TCTN2: variants seen among roughly 807,000 people sequenced by gnomAD.
TCTN2 encodes tectonic family member 2.
In TCTN2, 66 loss-of-function variants were observed where a neutral mutation model predicts 83.4. The ratio of observed to expected loss-of-function variants is 0.79; its 90% CI spans 0.65 to 0.97. The LOEUF (loss-of-function observed/expected upper bound fraction) is 0.97, where lower values mean the gene tolerates loss of function less well. TCTN2 is among the 50% of genes least tolerant of loss of function. The probability of loss-of-function intolerance (pLI) is 0.00; values close to 1 mark genes in which losing one functional copy is unlikely to be tolerated. For synonymous variants in TCTN2, 301 were observed against 326.7 expected, an observed-to-expected ratio of 0.92 and a Z score of 0.85; for missense variants, 794 against 858.1, an observed-to-expected ratio of 0.93 and a Z score of 0.93.
chr12:123,676,549 CAG>C (rs1955823946), intron 4 of TCTN2, among the ~76,000 whole-genome samples: 1 of 108,826 alleles, frequency 9.2e-6, no homozygotes, highest in Admixed American at 1.4e-4. Context: ...GCCTGGGTGA[CAG>C]AGCGAGACTC....
In TCTN2 at chr12:123,696,452, C is replaced by T. The variant is rs1956110300; in HGVS notation, c.1350C>T (p.Ile450=). ...QLGKPVRALN[I]NRMNNVTTLH... ...GCAAGCCTGTCCGAGCTCTAAATAT[C>T]AACAGGATGAATAATGTCACGACTT... The change falls in exon 12 of 18, where the codon ATC becomes ATT. Residue 450 remains isoleucine (I), a synonymous_variant. Coordinates refer to ENST00000303372, the MANE Select transcript of TCTN2 (RefSeq NM_024809.5). 1 of 1,614,010 alleles carries T rather than the reference C, an allele frequency of 6.2e-7. No individual in the cohort carries two copies. Among genetic ancestry groups the T allele is most frequent in the South Asian group, 1.1e-5 (1 of 91,086 alleles).
At chr12:123,705,849 C>T (rs922701640) in intron 15 of TCTN2, among the ~76,000 whole-genome samples, 1 of 151,598 alleles carries the variant, frequency 6.6e-6, no homozygotes, top group Non-Finnish European at 1.5e-5. Flanking sequence ...CTCCACCAAC[C>T]GGGTTCAAGC....
intron 5 of TCTN2, among the ~76,000 whole-genome samples, chr12:123,679,735 A>AG (rs1166888020): frequency 1.5e-4 from 18 of 117,978 alleles, no homozygotes; most frequent in Non-Finnish European, 2.7e-4. Context: ...TTTCAAATTG[A>AG]GTTTTTTTTT....
At position 123,673,578 on chromosome 12, in the gene TCTN2, G is replaced by A. The variant is rs367962173; in HGVS notation, c.268-37G>A. ...TATGTATTCTTATAGACCCTGTTTT[G>A]AGTCACTTTAAAAATACAGCAATGT... On this transcript the variant is annotated intron_variant, in intron 3 of 17. Transcript: ENST00000303372. The A allele has an allele frequency of 1.9e-6, 3 of 1,600,384 alleles. No individual in the cohort carries two copies. The African/African-American group carries it at 4.0e-5, about 21-fold the overall frequency.
intron 12 of TCTN2, chr12:123,696,833 T>C (rs1956114826): frequency 3.7e-6 from 2 of 540,502 alleles, no homozygotes; most frequent in Non-Finnish European, 6.6e-6. Context: ...GCAGGAAATC[T>C]GTGCTTCAGT....
At chr12:123,685,454 T>C (rs372513827) in intron 5 of TCTN2, among the ~76,000 whole-genome samples, 3 of 152,190 alleles carry the variant, frequency 2.0e-5, no homozygotes, top group Non-Finnish European at 2.9e-5. Context: ...AGTCTTGTTC[T>C]GTCACCCAGG....
Position 123,708,006 on chromosome 12 carries a change from CCTTTTTT to C in TCTN2, c.*294_*300del. 1 of 294,588 alleles carries C rather than the reference CCTTTTTT, an allele frequency of 3.4e-6. No homozygotes were observed. Among genetic ancestry groups the C allele is most frequent in the South Asian group, 3.9e-5 (1 of 25,750 alleles). 18.2% of individuals were successfully genotyped at this position (294,588 alleles called of 1,614,324 possible). On this transcript the variant is annotated 3_prime_UTR_variant, in exon 18 of 18. Transcript: ENST00000303372. ...TACAGGCATGAGCCACCGCACCCGG[CCTTTTTT>C]TTTTTTTTTTTTTTTTTGAGGCGGG...
At chr12:123,704,445 T>C in intron 14 of TCTN2, 87 bp from the exon 15 acceptor site, 1 of 1,383,390 alleles carries the variant, frequency 7.2e-7, no homozygotes, top group Non-Finnish European at 1.0e-6. Flanking sequence ...GCCTGCCTGA[T>C]ATTATTCCCC....
In TCTN2 at chr12:123,704,560, C is replaced by T. The variant is rs555666775; in HGVS notation, c.1641C>T (p.Asp547=). ...TAGATGCCCCTGATCCAGGTGCAGA[C>T]CCGCTGGCTAGCAGTGTGAACGGCA... ...IRVDAPDPGA[D]PLASSVNGMC... The change falls in exon 15 of 18, where the codon GAC becomes GAT. Residue 547 remains aspartate (D), a synonymous_variant. Transcript: ENST00000303372. The T allele has an allele frequency of 8.3e-5, 133 of 1,611,562 alleles. 4 individuals are homozygous for T. The Middle Eastern group carries it at 4.5e-3, about 54-fold the overall frequency.
Position 123,697,118 on chromosome 12 carries a change from C to A in TCTN2, c.1425C>A (p.Phe475Leu), listed in dbSNP as rs773594505. ...AGRGLCTSAT[F>L]KPILFGENVL... is the part of the protein sequence containing the mutation. ...GGGGTCTGTGTACATCAGCAACTTTCAAACCCATTTTATTTGGAGAAAATG... is the reference window on the plus strand; with the variant it reads ...GGGGTCTGTGTACATCAGCAACTTTAAAACCCATTTTATTTGGAGAAAATG... Residue 475 changes from phenylalanine (F) to leucine (L), a missense_variant, in exon 13 of 18, where the codon TTC (phenylalanine) becomes TTA (leucine). By Grantham distance (22) the Phe-to-Leu change is conservative (BLOSUM62 0). Coordinates refer to ENST00000303372, the MANE Select transcript of TCTN2 (RefSeq NM_024809.5). 6.2e-7 allele frequency: 1 copy of A among 1,614,030 alleles called. No homozygotes were observed. Among genetic ancestry groups the A allele is most frequent in the Admixed American group, 1.7e-5 (1 of 60,020 alleles).
Position 123,706,847 on chromosome 12 carries a change from A to T in TCTN2, c.1891A>T (p.Thr631Ser). 2 of 1,614,214 alleles carry T rather than the reference A, an allele frequency of 1.2e-6. No individual in the cohort carries two copies. Among genetic ancestry groups the T allele is most frequent in the Non-Finnish European group, 1.7e-6 (2 of 1,180,036 alleles). ...TCCTGCACAGTTACCCCACCCCCTG[A>T]CAAGGTACTCCAGTTGCTCACCTAG... ...KIPAQLPHPLTRFQINYTEYD... is the reference protein window; with the variant it reads ...KIPAQLPHPLSRFQINYTEYD... The change falls in exon 16 of 18, where the codon ACA (threonine) becomes TCA (serine). Residue 631 changes from threonine (T) to serine (S), a missense_variant. Physicochemically the swap from Thr to Ser is moderately conservative, Grantham distance 58. Coordinates refer to ENST00000303372, the MANE Select transcript of TCTN2 (RefSeq NM_024809.5).
At chr12:123,690,704 C>G (rs373815823) in intron 8 of TCTN2, 30 bp downstream of exon 8, 543 of 1,611,472 alleles carry the variant, frequency 3.4e-4, no homozygotes, top group Non-Finnish European at 4.4e-4. Flanking sequence ...AAAAAGAACA[C>G]AGGCCCAAAC....
intron 6 of TCTN2, among the ~76,000 whole-genome samples, chr12:123,687,293 C>T (rs1396629843): frequency 6.6e-6 from 1 of 152,144 alleles, no homozygotes; most frequent in Admixed American, 6.6e-5. Context: ...GGAGTGGTGG[C>T]TCATGGGAGA....
chr12:123,703,412 C>T (rs1019251095), intron 14 of TCTN2, among the ~76,000 whole-genome samples: 4 of 151,818 alleles, frequency 2.6e-5, no homozygotes, highest in Non-Finnish European at 2.9e-5. Context: ...GAACTCCTGA[C>T]CTCAGGTCAT....
chr12:123,702,747 G>A (rs1308136086), intron 14 of TCTN2, among the ~76,000 whole-genome samples: 1 of 152,212 alleles, frequency 6.6e-6, no homozygotes, highest in Non-Finnish European at 1.5e-5. Context: ...TAGGGAAAAT[G>A]TCCAGACGGA....
chr12:123,692,196 C>T (rs1956051525), intron 8 of TCTN2, among the ~76,000 whole-genome samples: 1 of 152,168 alleles, frequency 6.6e-6, no homozygotes, highest in South Asian at 2.1e-4. Flanking sequence ...CGGGCATGAG[C>T]CACCACGCCC....
At chr12:123,694,378 C>G (rs1010597639) in intron 9 of TCTN2, among the ~76,000 whole-genome samples, 1 of 152,258 alleles carries the variant, frequency 6.6e-6, no homozygotes, top group Non-Finnish European at 1.5e-5. Context: ...ATCTGCCCAC[C>G]TCGGCCTCCC....
In TCTN2 at chr12:123,671,326, T is replaced by A. The variant is rs1356299309; in HGVS notation, c.82+4T>A. ...AGGCTTCTGTGGGGGGACCTGGGTG[T>A]GTACGGCGCGGCAGTGACCTCGGTG... On this transcript the variant is annotated splice_donor_region_variant and intron_variant, in intron 1 of 17. Transcript: ENST00000303372. 6.2e-7 allele frequency: 1 copy of A among 1,613,580 alleles called. No individual in the cohort carries two copies. The highest frequency in any genetic ancestry group is 1.1e-5 in the South Asian group (1 of 91,038).
intron 15 of TCTN2, among the ~76,000 whole-genome samples, chr12:123,705,138 C>A (rs2135860235): frequency 6.8e-6 from 1 of 147,730 alleles, no homozygotes; most frequent in South Asian, 2.2e-4. Flanking sequence ...GTGATAATAC[C>A]TTTATGTATC....
Sources: allele counts gnomAD v4.1 joint callset (sites outside exome capture counted in the v4.1 genomes callset), GRCh38; gene constraint gnomAD v4.1.1; transcripts MANE v1.5; gene names NCBI Gene and HGNC (gene_info 2026-07-23, HGNC 2026-07-21).